Variants in CEP20 observed in about 807,000 individuals in gnomAD.
CEP20 encodes centrosomal protein 20.
Under a neutral mutation model 20.0 loss-of-function variants are expected in CEP20, and 18 were observed. The ratio of observed to expected loss-of-function variants is 0.90; its 90% CI spans 0.62 to 1.34. CEP20 has a LOEUF of 1.34. Ranked by LOEUF, CEP20 falls within the 40% of genes most tolerant of loss-of-function variation. The probability of loss-of-function intolerance (pLI) is 0.00; values close to 1 mark genes in which losing one functional copy is unlikely to be tolerated. For synonymous variants in CEP20, 77 were observed against 73.7 expected (o/e 1.04, Z -0.23); for missense variants, 215 against 201.6 (o/e 1.07, Z -0.40).
intron 3 of CEP20, among the ~76,000 whole-genome samples, chr16:15,875,055 T>C (rs2044910626): frequency 6.6e-6 from 1 of 152,198 alleles, no homozygotes. Flanking sequence ...AGGGGGAGCC[T>C]GAGCTAGACT....
chr16:15,888,386 C>G (rs2045297425), intron 1 of CEP20, among the ~76,000 whole-genome samples, 172 bp downstream of exon 1: 1 of 152,206 alleles, frequency 6.6e-6, no homozygotes, highest in South Asian at 2.1e-4. Flanking sequence ...CATAAGAGCT[C>G]CCCGCGCACG....
intron 2 of CEP20, chr16:15,883,101 C>A (rs1168819603): frequency 1.3e-5 from 2 of 152,200 alleles, no homozygotes. Flanking sequence ...GTGGCTCATG[C>A]CTGTAATCCC....
chr16:15,871,641 T>C (rs59328345), intron 4 of CEP20, among the ~76,000 whole-genome samples: 2,479 of 152,280 alleles, frequency 0.016, 75 homozygotes, highest in African/African-American at 0.057. Context: ...CTGCTACAGG[T>C]CTTAGTTGAG....
Position 15,888,545 on chromosome 16 carries a change from T to A in CEP20, c.28+13A>T. 1.2e-6 allele frequency: 2 copies of A among 1,614,162 alleles called. No homozygotes were observed. Among genetic ancestry groups the A allele is most frequent in the Non-Finnish European group, 1.7e-6 (2 of 1,180,006 alleles). On this transcript the variant is annotated intron_variant, in intron 1 of 4. Transcript: ENST00000255759. ...GACGCTTCCCATGTGGAGGCCTCCC[T>A]GCTCGCACTCACCAGCCTTCAACTC...
intron 3 of CEP20, 61 bp from the exon 4 acceptor site, chr16:15,873,688 GC>G: frequency 1.3e-6 from 2 of 1,504,300 alleles, no homozygotes; most frequent in South Asian, 1.3e-5. Context: ...AACGGGAAAA[GC>G]TTAAAACATT....
chr16:15,873,081 GTTT>G (rs929361024), intron 4 of CEP20, among the ~76,000 whole-genome samples: 1 of 149,576 alleles, frequency 6.7e-6, no homozygotes, highest in Non-Finnish European at 1.5e-5. Flanking sequence ...GTATTTTTTT[GTTT>G]TTTTTTAAAT....
chr16:15,871,989 C>A (rs2044830547), intron 4 of CEP20, among the ~76,000 whole-genome samples: 1 of 152,134 alleles, frequency 6.6e-6, no homozygotes, highest in Non-Finnish European at 1.5e-5. Flanking sequence ...TAATTGGCAG[C>A]CTAAACCCCA....
intron 2 of CEP20, among the ~76,000 whole-genome samples, chr16:15,880,712 T>C (rs527318146): frequency 6.6e-6 from 1 of 151,530 alleles, no homozygotes; most frequent in African/African-American, 2.4e-5. Flanking sequence ...AGGTGAGGAG[T>C]GGGCAAGCAA....
chr16:15,868,895 C>G (rs2151418934), intron 4 of CEP20, among the ~76,000 whole-genome samples: 1 of 152,024 alleles, frequency 6.6e-6, no homozygotes, highest in African/African-American at 2.4e-5. Context: ...TTATAAAAAT[C>G]TGGTCTTTCA....
At position 15,873,518 on chromosome 16, in the gene CEP20, T is replaced by C; in HGVS notation, c.421A>G (p.Arg141Gly). 6.2e-7 allele frequency: 1 copy of C among 1,613,914 alleles called. No homozygotes were observed. The highest frequency in any genetic ancestry group is 8.5e-7 in the Non-Finnish European group (1 of 1,179,848). ...SLQPSDPSLGRQPSRRKPMDD... is the reference protein window; with the variant it reads ...SLQPSDPSLGGQPSRRKPMDD... ...ATTGGCTTTCTTCTACTAGGTTGTC[T>C]GCCAAGACTTGGGTCTGAAGGCTGA... Residue 141 changes from arginine (R) to glycine (G), a missense_variant, in exon 4 of 5, where the codon AGA becomes GGA. Arg to Gly is a moderately radical substitution (Grantham distance 125, BLOSUM62 -2). Transcript: ENST00000255759.
chr16:15,881,485 CT>C (rs2045096054), intron 2 of CEP20, among the ~76,000 whole-genome samples: 1 of 152,168 alleles, frequency 6.6e-6, no homozygotes, highest in Non-Finnish European at 1.5e-5. Flanking sequence ...AATAAAGGAT[CT>C]GTAACGAAAA....
At chr16:15,869,644 T>C (rs8044313) in intron 4 of CEP20, among the ~76,000 whole-genome samples, 39,642 of 151,976 alleles carry the variant, frequency 0.26, 5,304 homozygotes, top group East Asian at 0.4. Flanking sequence ...CCAATTTAGT[T>C]TCAGGGTTTG....
Position 15,873,508 on chromosome 16 carries a change from C to T in CEP20, c.431G>A (p.Ser144Asn), listed in dbSNP as rs1239870180. The change falls in exon 4 of 5, where the codon AGT (serine) becomes AAT (asparagine). Residue 144 changes from serine (S) to asparagine (N), a missense_variant. Ser to Asn is a conservative substitution (Grantham distance 46). Transcript: ENST00000255759. ...ACTCATACCCATTGGCTTTCTTCTA[C>T]TAGGTTGTCTGCCAAGACTTGGGTC... ...PSDPSLGRQP[S>N]RRKPMDDHLR... 6.2e-7 allele frequency: 1 copy of T among 1,613,774 alleles called. No individual in the cohort carries two copies.
intron 2 of CEP20, among the ~76,000 whole-genome samples, chr16:15,881,314 C>T (rs982568056): frequency 6.6e-6 from 1 of 152,044 alleles, no homozygotes; most frequent in African/African-American, 2.4e-5. Context: ...TCTAGTGAAT[C>T]CCAAGTCCCC....
intron 2 of CEP20, among the ~76,000 whole-genome samples, chr16:15,881,537 T>C (rs978305177): frequency 3.9e-5 from 6 of 152,196 alleles, no homozygotes; most frequent in African/African-American, 1.4e-4. Context: ...TTGCAAAATC[T>C]ACTTCCTGGC....
At chr16:15,882,234 G>A (rs1418279081) in intron 2 of CEP20, among the ~76,000 whole-genome samples, 2 of 152,136 alleles carry the variant, frequency 1.3e-5, no homozygotes, top group South Asian at 4.1e-4. Flanking sequence ...CTGCAGAACC[G>A]TGAGCCAAGT....
chr16:15,888,450 C>A (rs1049039579), intron 1 of CEP20, 108 bp downstream of exon 1: 2 of 1,430,900 alleles, frequency 1.4e-6, no homozygotes, highest in African/African-American at 2.8e-5. Flanking sequence ...AAGAATGACG[C>A]CTGTAAAAGC....
At chr16:15,884,315 G>A in intron 1 of CEP20, 110 bp from the exon 2 acceptor site, 2 of 916,548 alleles carry the variant, frequency 2.2e-6, no homozygotes, top group Non-Finnish European at 3.2e-6. Flanking sequence ...CAGCTCTCAA[G>A]CAGCTCTTAA....
chr16:15,882,566 CTT>C (rs1050617081), intron 2 of CEP20, among the ~76,000 whole-genome samples: 21 of 151,832 alleles, frequency 1.4e-4, no homozygotes, highest in Admixed American at 7.2e-4. Flanking sequence ...AAAAAAACCT[CTT>C]CTCTTCATAA....
Sources: gnomAD v4.1 joint callset for allele counts (sites outside exome capture counted in the v4.1 genomes callset) on GRCh38, gnomAD v4.1.1 for gene constraint, MANE v1.5 for transcripts, NCBI Gene and HGNC (gene_info 2026-07-23, HGNC 2026-07-21) for gene names.